Variants in CBLN2 observed in about 807,000 individuals in gnomAD.
The protein encoded by CBLN2 is cerebellin-2.
CBLN2 carries 7 observed loss-of-function variants against 15.0 expected under a neutral mutation model. That is an observed-to-expected ratio of 0.47 (90% CI 0.27 to 0.88). The LOEUF (loss-of-function observed/expected upper bound fraction) is 0.88. Among genes scored for constraint, CBLN2 ranks in the 40% least tolerant of loss-of-function variants. The probability of loss-of-function intolerance (pLI) is 0.14; values close to 1 mark genes in which losing one functional copy is unlikely to be tolerated. For synonymous variants in CBLN2, 149 were observed against 135.2 expected (o/e 1.10, Z -0.71); for missense variants, 242 against 304.5 (o/e 0.79, Z 1.53).
chr18:72,553,027 A>G (rs954593119), intron 1 of CBLN2, among the ~76,000 whole-genome samples: 17 of 152,224 alleles, frequency 1.1e-4, no homozygotes, highest in Non-Finnish European at 2.1e-4. Context: ...TGTTTAAATG[A>G]CATAAAATTA....
chr18:72,617,464 ATT>A, intron 1 of CBLN2, among the ~76,000 whole-genome samples: 1 of 152,292 alleles, frequency 6.6e-6, no homozygotes, highest in Admixed American at 6.5e-5. Context: ...TTACAAGATA[ATT>A]TCTAAAGCCT....
intron 1 of CBLN2, among the ~76,000 whole-genome samples, chr18:72,592,343 G>C (rs1305442750): frequency 1.3e-5 from 2 of 151,512 alleles, no homozygotes; most frequent in African/African-American, 4.8e-5. Flanking sequence ...TTTTTAAATA[G>C]AATTATTGCA....
At chr18:72,558,176 C>T (rs954373515) in intron 1 of CBLN2, among the ~76,000 whole-genome samples, 6 of 152,204 alleles carry the variant, frequency 3.9e-5, no homozygotes, top group Non-Finnish European at 4.4e-5. Context: ...CACCTTGGGC[C>T]GTGTGGCATC....
At chr18:72,612,674 C>T (rs1320224514) in intron 1 of CBLN2, among the ~76,000 whole-genome samples, 1 of 152,202 alleles carries the variant, frequency 6.6e-6, no homozygotes, top group Non-Finnish European at 1.5e-5. Flanking sequence ...GCTTAAATGT[C>T]TATTCTGCGG....
upstream of CBLN2, among the ~76,000 whole-genome samples, chr18:72,548,610 A>T (rs1219440422): frequency 1.3e-5 from 2 of 152,146 alleles, no homozygotes; most frequent in South Asian, 4.1e-4. Flanking sequence ...TAAGAGAAGT[A>T]TGGTTATCCC....
intron 1 of CBLN2, among the ~76,000 whole-genome samples, chr18:72,563,721 G>A (rs2069276322): frequency 6.6e-6 from 1 of 152,166 alleles, no homozygotes; most frequent in African/African-American, 2.4e-5. Context: ...GTGGCCATCT[G>A]GTGGGCTAGC....
At chr18:72,565,900 T>G (rs2069291857) in intron 1 of CBLN2, among the ~76,000 whole-genome samples, 1 of 152,112 alleles carries the variant, frequency 6.6e-6, no homozygotes, top group East Asian at 1.9e-4. Flanking sequence ...GGAGAATATA[T>G]TTACAAACTA....
chr18:72,615,156 A>AT (rs1568132464), intron 1 of CBLN2, among the ~76,000 whole-genome samples: 32 of 134,504 alleles, frequency 2.4e-4, no homozygotes, highest in African/African-American at 8.6e-4. Context: ...ATAAATATAG[A>AT]AAATATATAT....
Position 72,537,362 on chromosome 18 carries a change from T to C in CBLN2, c.*814A>G, listed in dbSNP as rs919566915. The C allele has an allele frequency of 1.2e-4, 19 of 152,256 alleles. No homozygotes were observed. Among genetic ancestry groups the C allele is most frequent in the African/African-American group, 4.6e-4 (19 of 41,466 alleles). The allele number at this position is 152,256 out of a possible 1,614,324, so 9.4% of individuals were successfully genotyped here. A position where few individuals can be genotyped will look rare whatever the true frequency, so the allele number is the denominator to read the frequency against. On this transcript the variant is annotated 3_prime_UTR_variant, in exon 5 of 5. Coordinates refer to ENST00000269503, the MANE Select transcript of CBLN2 (RefSeq NM_182511.4). ...CTTTTACTTTGATAAACAGATACTT[T>C]TTGTTTAGTTTGGTCTCGTCTAAAA... is the stretch of plus-strand genomic sequence containing the variant.
At chr18:72,545,222 A>C (rs564919133), upstream of CBLN2, among the ~76,000 whole-genome samples, 4 of 152,184 alleles carry the variant, frequency 2.6e-5, no homozygotes, top group Non-Finnish European at 4.4e-5. Context: ...ATCTCTAAGC[A>C]CTGGAGATGA....
intron 1 of CBLN2, among the ~76,000 whole-genome samples, chr18:72,570,452 T>C (rs2069324815): frequency 6.6e-6 from 1 of 151,626 alleles, no homozygotes; most frequent in Admixed American, 6.6e-5. Context: ...TTCACCACGT[T>C]GCCCAGGCAA....
intron 1 of CBLN2, among the ~76,000 whole-genome samples, chr18:72,575,638 A>G (rs1274120032): frequency 6.6e-6 from 1 of 152,130 alleles, no homozygotes; most frequent in Non-Finnish European, 1.5e-5. Flanking sequence ...GGCCCTCAGG[A>G]GGCGACTGGG....
intron 1 of CBLN2, among the ~76,000 whole-genome samples, chr18:72,550,974 T>C (rs189894976): frequency 1.3e-5 from 2 of 152,138 alleles, no homozygotes; most frequent in African/African-American, 4.8e-5. Context: ...GTGTCCTGTA[T>C]GCCGATGGGT....
At chr18:72,616,414 T>C (rs2069662520) in intron 1 of CBLN2, among the ~76,000 whole-genome samples, 1 of 152,128 alleles carries the variant, frequency 6.6e-6, no homozygotes, top group African/African-American at 2.4e-5. Context: ...CGCCTTTGGG[T>C]CCCCCTTTGC....
intron 1 of CBLN2, among the ~76,000 whole-genome samples, chr18:72,635,753 T>C (rs545542423): frequency 1.1e-4 from 16 of 152,264 alleles, no homozygotes; most frequent in Middle Eastern, 3.4e-3. Context: ...AAATACCTTA[T>C]TGAAAAAATG....
At chr18:72,621,868 T>C (rs919344938) in intron 1 of CBLN2, among the ~76,000 whole-genome samples, 3 of 152,138 alleles carry the variant, frequency 2.0e-5, no homozygotes, top group African/African-American at 7.2e-5. Context: ...CCAAAACTGA[T>C]GGAAAAAAAC....
chr18:72,630,438 T>C (rs763332894), intron 1 of CBLN2, among the ~76,000 whole-genome samples: 3 of 151,888 alleles, frequency 2.0e-5, no homozygotes, highest in Non-Finnish European at 4.4e-5. Context: ...TGAAGTAAAC[T>C]GTCAATGAAT....
At chr18:72,621,962 T>G (rs2069703790) in intron 1 of CBLN2, among the ~76,000 whole-genome samples, 1 of 152,182 alleles carries the variant, frequency 6.6e-6, no homozygotes, top group Admixed American at 6.5e-5. Flanking sequence ...GGAACACACA[T>G]TAATTACATT....
chr18:72,549,816 T>C (rs1369461284), intron 1 of CBLN2, among the ~76,000 whole-genome samples: 1 of 152,154 alleles, frequency 6.6e-6, no homozygotes, highest in Non-Finnish European at 1.5e-5. Context: ...CTATCAGGGG[T>C]TACTCTGTAA....
Sources: allele counts gnomAD v4.1 joint callset (sites outside exome capture counted in the v4.1 genomes callset), GRCh38; gene constraint gnomAD v4.1.1; transcripts MANE v1.5; gene names NCBI Gene and HGNC (gene_info 2026-07-23, HGNC 2026-07-21).